The following TRABD2B variants were observed in gnomAD, a reference collection of about 807,000 sequenced individuals.
TRABD2B encodes the protein metalloprotease TIKI2.
In TRABD2B, 14 loss-of-function variants were observed where a neutral mutation model predicts 40.1. That is an observed-to-expected ratio of 0.35 (90% CI 0.23 to 0.55). The LOEUF is 0.55. Ranked by LOEUF, TRABD2B falls within the 20% of genes least tolerant of loss-of-function variation. The pLI is 0.90. For synonymous variants in TRABD2B, 263 were observed against 277.0 expected, an observed-to-expected ratio of 0.95 and a Z score of 0.50; for missense variants, 541 against 648.6, an observed-to-expected ratio of 0.83 and a Z score of 1.80.
intron 2 of TRABD2B, among the ~76,000 whole-genome samples, chr1:47,832,324 T>C (rs1406318716): frequency 6.7e-6 from 1 of 148,732 alleles, no homozygotes; most frequent in Admixed American, 6.7e-5. Flanking sequence ...CAAGCAAGAC[T>C]CCGTCTCAAA....
At chr1:47,904,072 T>G (rs1352434939) in intron 2 of TRABD2B, among the ~76,000 whole-genome samples, 1 of 152,112 alleles carries the variant, frequency 6.6e-6, no homozygotes, top group Non-Finnish European at 1.5e-5. Flanking sequence ...CAAACCTAAC[T>G]TGAGCACAAA....
chr1:47,814,231 G>C (rs2883037), intron 2 of TRABD2B, among the ~76,000 whole-genome samples: 47,588 of 152,226 alleles, frequency 0.31, 7,814 homozygotes, highest in Non-Finnish European at 0.37. Flanking sequence ...CCTGTGGCTG[G>C]TGGAGGTGGA....
chr1:47,812,730 C>G (rs1427939415), intron 2 of TRABD2B, among the ~76,000 whole-genome samples: 1 of 152,142 alleles, frequency 6.6e-6, no homozygotes. Flanking sequence ...AAAGAAAAAA[C>G]AAAGAAAGAA....
intron 2 of TRABD2B, among the ~76,000 whole-genome samples, chr1:47,950,377 C>T (rs1405631705): frequency 1.3e-5 from 2 of 152,090 alleles, no homozygotes; most frequent in East Asian, 1.9e-4. Context: ...TCTAATGGAC[C>T]CTTTATCTGT....
intron 2 of TRABD2B, among the ~76,000 whole-genome samples, 173 bp from the exon 3 acceptor site, chr1:47,801,792 A>T (rs760231455): frequency 6.6e-6 from 1 of 152,054 alleles, no homozygotes; most frequent in Non-Finnish European, 1.5e-5. Flanking sequence ...CTCCTGCCTC[A>T]TGTCTCTGAG....
At chr1:47,902,352 G>C (rs1282010590) in intron 2 of TRABD2B, among the ~76,000 whole-genome samples, 1 of 152,158 alleles carries the variant, frequency 6.6e-6, no homozygotes, top group Non-Finnish European at 1.5e-5. Context: ...TGAGTTCCCA[G>C]GGTGACTGCC....
At chr1:47,855,780 C>T (rs1643883993) in intron 2 of TRABD2B, among the ~76,000 whole-genome samples, 1 of 152,214 alleles carries the variant, frequency 6.6e-6, no homozygotes, top group Non-Finnish European at 1.5e-5. Context: ...TACTTCCTCT[C>T]TCTTTCCACT....
chr1:47,924,642 C>T (rs754182326), intron 2 of TRABD2B, among the ~76,000 whole-genome samples: 7 of 152,142 alleles, frequency 4.6e-5, no homozygotes, highest in Admixed American at 1.3e-4. Context: ...GCTGGACAAA[C>T]GACGTGGCAT....
chr1:47,884,328 G>T (rs1409854597), intron 2 of TRABD2B, among the ~76,000 whole-genome samples: 1 of 152,178 alleles, frequency 6.6e-6, no homozygotes, highest in African/African-American at 2.4e-5. Flanking sequence ...TCCAAGTTCT[G>T]GACAGTGGCT....
chr1:47,989,487 A>G (rs72692202), intron 2 of TRABD2B, among the ~76,000 whole-genome samples: 31,629 of 152,022 alleles, frequency 0.21, 3,788 homozygotes, highest in East Asian at 0.27. Context: ...AGGAGCTCTG[A>G]CTATAAACCA....
chr1:47,826,063 C>T (rs1021291471), intron 2 of TRABD2B, among the ~76,000 whole-genome samples: 1 of 152,170 alleles, frequency 6.6e-6, no homozygotes, highest in African/African-American at 2.4e-5. Context: ...TTTATTTACC[C>T]AATGGCAGTT....
chr1:47,859,518 A>G (rs1643935115), intron 2 of TRABD2B, among the ~76,000 whole-genome samples: 1 of 152,228 alleles, frequency 6.6e-6, no homozygotes, highest in African/African-American at 2.4e-5. Context: ...TTTGACTTGT[A>G]GAGCTCTGGC....
At chr1:47,817,499 A>G (rs988285693) in intron 2 of TRABD2B, among the ~76,000 whole-genome samples, 1 of 152,036 alleles carries the variant, frequency 6.6e-6, no homozygotes, top group African/African-American at 2.4e-5. Context: ...AACATGCCTC[A>G]GCTACAGGGA....
chr1:47,798,044 T>A (rs1006216512), intron 3 of TRABD2B, among the ~76,000 whole-genome samples: 3 of 152,108 alleles, frequency 2.0e-5, no homozygotes, highest in African/African-American at 4.8e-5. Flanking sequence ...CTGTGGGAAA[T>A]TCCATGAGCC....
chr1:47,827,582 G>A (rs940878894), intron 2 of TRABD2B, among the ~76,000 whole-genome samples: 1 of 152,174 alleles, frequency 6.6e-6, no homozygotes, highest in Admixed American at 6.5e-5. Context: ...AAGGCCCACA[G>A]CCCTGAGGAA....
At chr1:47,822,011 G>A (rs148660301) in intron 2 of TRABD2B, among the ~76,000 whole-genome samples, 184 of 152,242 alleles carry the variant, frequency 1.2e-3, no homozygotes, top group African/African-American at 4.4e-3. Context: ...ACACAGAGAC[G>A]TGCACAAACA....
chr1:47,961,308 A>T (rs1411478483), intron 2 of TRABD2B, among the ~76,000 whole-genome samples: 1 of 152,368 alleles, frequency 6.6e-6, no homozygotes, highest in Admixed American at 6.5e-5. Flanking sequence ...ATGGGCAAGG[A>T]CTTCATGACT....
intron 2 of TRABD2B, among the ~76,000 whole-genome samples, chr1:47,857,771 C>G (rs930713481): frequency 6.6e-5 from 10 of 152,062 alleles, no homozygotes; most frequent in African/African-American, 2.4e-4. Context: ...AGCCACTGGC[C>G]CTTGCTTCTC....
intron 2 of TRABD2B, among the ~76,000 whole-genome samples, chr1:47,987,991 G>C (rs1287931248): frequency 6.6e-6 from 1 of 152,274 alleles, no homozygotes; most frequent in Admixed American, 6.5e-5. Flanking sequence ...GCTTCGGCAC[G>C]GTCTGAGGTC....
Sources: allele counts gnomAD v4.1 joint callset (sites outside exome capture counted in the v4.1 genomes callset), GRCh38; gene constraint gnomAD v4.1.1; transcripts MANE v1.5; gene names NCBI Gene and HGNC (gene_info 2026-07-23, HGNC 2026-07-21).